GOLGA5: variants seen among roughly 807,000 people sequenced by gnomAD.
GOLGA5 encodes golgin subfamily A member 5.
In GOLGA5, 50 loss-of-function variants were observed where a neutral mutation model predicts 93.5. The observed-to-expected ratio is 0.53, with a 90% CI of 0.43 to 0.68. The LOEUF (loss-of-function observed/expected upper bound fraction) is 0.68, where lower values mean the gene tolerates loss of function less well. Among genes scored for constraint, GOLGA5 ranks in the 30% least tolerant of loss-of-function variants. GOLGA5 has a pLI of 0.00. For missense variants in GOLGA5, 760 were observed against 856.4 expected (o/e 0.89, Z 1.40); for synonymous variants, 312 against 304.5 (o/e 1.02, Z -0.26).
At chr14:92,838,956 A>G (rs1411663537) in intron 12 of GOLGA5, among the ~76,000 whole-genome samples, 1 of 152,194 alleles carries the variant, frequency 6.6e-6, no homozygotes, top group Non-Finnish European at 1.5e-5. Flanking sequence ...GAAACGACAC[A>G]TTATTTCTGT....
chr14:92,809,363 T>C lies in GOLGA5; in HGVS notation c.836T>C (p.Met279Thr). The change falls in exon 4 of 13, where the codon ATG becomes ACG. Residue 279 changes from methionine to threonine, a missense_variant. Coordinates refer to ENST00000163416, the MANE Select transcript of GOLGA5 (RefSeq NM_005113.4). Reference protein sequence around the residue: ...WNADHSKSDRMTRGLRAQVDD... With the variant: ...WNADHSKSDRTTRGLRAQVDD... ...GCTGACCATTCAAAGAGTGATCGAA[T>C]GACTCGAGGACTCCGAGCCCAAGTA... is the stretch of plus-strand genomic sequence containing the variant. The C allele has an allele frequency of 6.2e-7, 1 of 1,613,696 alleles. No individual in the cohort carries two copies. Among genetic ancestry groups the C allele is most frequent in the South Asian group, 1.1e-5 (1 of 91,068 alleles).
At chr14:92,795,495 C>G (rs1884706261) in intron 1 of GOLGA5, among the ~76,000 whole-genome samples, 1 of 152,110 alleles carries the variant, frequency 6.6e-6, no homozygotes, top group Non-Finnish European at 1.5e-5. Context: ...TAAACCCTTT[C>G]CACATTTGCT....
In GOLGA5 at chr14:92,810,385, T is replaced by A. The variant is rs1240190255; in HGVS notation, c.1116+8T>A. On this transcript the variant is annotated splice_region_variant and intron_variant, in intron 5 of 12. Transcript: ENST00000163416. ...AGCTATAAACAGATGCAGGTTAGAA[T>A]GAGAGACAGCAGATTCCTATTGTTA... 6.4e-7 allele frequency: 1 copy of A among 1,553,766 alleles called. No homozygotes were observed. Among genetic ancestry groups the A allele is most frequent in the Non-Finnish European group, 8.7e-7 (1 of 1,154,784 alleles).
intron 6 of GOLGA5, among the ~76,000 whole-genome samples, chr14:92,814,309 GA>G: frequency 6.6e-6 from 1 of 152,260 alleles, no homozygotes; most frequent in South Asian, 2.1e-4. Context: ...GAACCAGGAG[GA>G]GACTGATGCC....
At chr14:92,804,655 C>CT (rs765326844) in intron 2 of GOLGA5, among the ~76,000 whole-genome samples, 9,997 of 114,272 alleles carry the variant, frequency 0.087, 1,415 homozygotes, top group African/African-American at 0.3. Flanking sequence ...TAATTTCTTT[C>CT]TTTTTTTTTT....
chr14:92,803,235 C>T (rs950074237), intron 2 of GOLGA5, among the ~76,000 whole-genome samples: 1 of 152,122 alleles, frequency 6.6e-6, no homozygotes, highest in African/African-American at 2.4e-5. Context: ...CAAGGTCTCA[C>T]TATATTGCCA....
chr14:92,829,684 G>A (rs948953072), intron 9 of GOLGA5, among the ~76,000 whole-genome samples: 4 of 152,182 alleles, frequency 2.6e-5, no homozygotes, highest in African/African-American at 9.7e-5. Context: ...TGTGAACATT[G>A]TTGAAATGAC....
At chr14:92,822,954 C>T (rs375243636) in intron 8 of GOLGA5, among the ~76,000 whole-genome samples, 3 of 152,098 alleles carry the variant, frequency 2.0e-5, no homozygotes, top group East Asian at 3.9e-4. Context: ...CCACTGCACC[C>T]GGCCAGAAGT....
rs1431959373 is a variant in GOLGA5 at position 92,807,012 on chromosome 14, A to G, written c.772+49A>G. ...TTAGGAATTTAACTTTTAAAAATAA[A>G]CTTAAGGCTGGACGCAGTGGCTCGT... On this transcript the variant is annotated intron_variant, in intron 3 of 12. Transcript: ENST00000163416. 1.1e-5 allele frequency: 14 copies of G among 1,318,072 alleles called. 1 individual carries two copies. The Admixed American group carries it at 2.0e-4, about 19-fold the overall frequency. 81.6% of individuals were successfully genotyped at this position (1,318,072 alleles called of 1,614,324 possible). A position where few individuals can be genotyped will look rare whatever the true frequency, so the allele number is the denominator to read the frequency against.
At chr14:92,828,784 T>C (rs1885470282) in intron 9 of GOLGA5, among the ~76,000 whole-genome samples, 2 of 152,168 alleles carry the variant, frequency 1.3e-5, no homozygotes, top group South Asian at 4.1e-4. Flanking sequence ...TTCTTGTGCC[T>C]TGGTCTCCCA....
In GOLGA5 at chr14:92,797,604, C is replaced by T. The variant is rs763863424; in HGVS notation, c.167C>T (p.Thr56Ile). The T allele has an allele frequency of 6.2e-7, 1 of 1,613,314 alleles. No individual in the cohort carries two copies. Among genetic ancestry groups the T allele is most frequent in the South Asian group, 1.1e-5 (1 of 91,068 alleles). The change falls in exon 2 of 13, where the codon ACT becomes ATT. Residue 56 changes from threonine (T) to isoleucine (I), a missense_variant. Physicochemically the swap from Thr to Ile is moderately conservative, Grantham distance 89. Transcript: ENST00000163416. ...CAAAATACAGATTTGATATATCAGACTGGACCTAAATCTACGTATATTTCA... is the reference window on the plus strand; with the variant it reads ...CAAAATACAGATTTGATATATCAGATTGGACCTAAATCTACGTATATTTCA... The part of the protein sequence containing the change: ...HQQNTDLIYQ[T>I]GPKSTYISSA...
At chr14:92,828,080 A>G (rs902322840) in intron 9 of GOLGA5, among the ~76,000 whole-genome samples, 1 of 152,250 alleles carries the variant, frequency 6.6e-6, no homozygotes, top group African/African-American at 2.4e-5. Context: ...TGGGAGATCT[A>G]GCTAAGATCA....
intron 9 of GOLGA5, among the ~76,000 whole-genome samples, chr14:92,825,871 A>AAC (rs1555405607): frequency 6.6e-6 from 1 of 150,762 alleles, no homozygotes; most frequent in East Asian, 2.0e-4. Flanking sequence ...AAAAAAGAAA[A>AAC]AACAACCATA....
chr14:92,831,438 T>C (rs188343715), intron 9 of GOLGA5, among the ~76,000 whole-genome samples: 1 of 152,228 alleles, frequency 6.6e-6, no homozygotes, highest in Non-Finnish European at 1.5e-5. Context: ...TTAAAAGCCA[T>C]GTGCAAAAGG....
chr14:92,821,902 G>A (rs1215826659), intron 8 of GOLGA5, among the ~76,000 whole-genome samples: 1 of 152,140 alleles, frequency 6.6e-6, no homozygotes, highest in African/African-American at 2.4e-5. Flanking sequence ...TAATGTTCTT[G>A]ATGCTTAATG....
At chr14:92,798,862 G>C (rs909246703) in intron 2 of GOLGA5, among the ~76,000 whole-genome samples, 1 of 152,198 alleles carries the variant, frequency 6.6e-6, no homozygotes, top group Non-Finnish European at 1.5e-5. Context: ...GTTGCAGTGA[G>C]CCGAGATTGT....
chr14:92,837,285 A>G (rs1411251521), intron 11 of GOLGA5, 101 bp from the exon 12 acceptor site: 1 of 640,228 alleles, frequency 1.6e-6, no homozygotes, highest in East Asian at 2.8e-5. Context: ...AATAGTTTAA[A>G]TGAGTTAAAT....
intron 9 of GOLGA5, among the ~76,000 whole-genome samples, chr14:92,825,618 T>C (rs1374777795): frequency 6.6e-6 from 1 of 152,168 alleles, no homozygotes; most frequent in African/African-American, 2.4e-5. Flanking sequence ...CCCAACACTT[T>C]GGGAGACCGA....
At chr14:92,816,777 C>T (rs2140324494) in intron 7 of GOLGA5, among the ~76,000 whole-genome samples, 1 of 152,308 alleles carries the variant, frequency 6.6e-6, no homozygotes, top group South Asian at 2.1e-4. Flanking sequence ...CCAAGCTGGT[C>T]CCAAACTCCT....
Sources: gnomAD v4.1 joint callset for allele counts (sites outside exome capture counted in the v4.1 genomes callset) on GRCh38, gnomAD v4.1.1 for gene constraint, MANE v1.5 for transcripts, NCBI Gene and HGNC (gene_info 2026-07-23, HGNC 2026-07-21) for gene names.